The following TMC7 variants were observed in gnomAD, a reference collection of about 807,000 sequenced individuals.
The protein encoded by TMC7 is transmembrane channel-like protein 7.
TMC7 carries 54 observed loss-of-function variants against 82.9 expected under a neutral mutation model. The observed-to-expected ratio is 0.65, with a 90% CI of 0.52 to 0.82. The LOEUF (loss-of-function observed/expected upper bound fraction) is 0.82, where lower values mean the gene tolerates loss of function less well. Ranked by LOEUF, TMC7 falls within the 40% of genes least tolerant of loss-of-function variation. The pLI, the probability that TMC7 is intolerant of heterozygous loss-of-function variation, is 0.00. For synonymous variants in TMC7, 350 were observed against 337.9 expected, an observed-to-expected ratio of 1.04 and a Z score of -0.39; for missense variants, 820 against 901.2, an observed-to-expected ratio of 0.91 and a Z score of 1.15.
At chr16:19,045,587 CTTTCT>C in intron 11 of TMC7, 149 bp downstream of exon 11, 4 of 397,200 alleles carry the variant, frequency 1.0e-5, no homozygotes, top group Non-Finnish European at 1.3e-5. Flanking sequence ...CAACTGGTAA[CTTTCT>C]TTTTTTTTTT....
chr16:18,988,450 T>C (rs2038892632), intron 1 of TMC7, among the ~76,000 whole-genome samples: 1 of 151,970 alleles, frequency 6.6e-6, no homozygotes, highest in Non-Finnish European at 1.5e-5. Flanking sequence ...CAACCACGTC[T>C]GGCTAATTTT....
chr16:19,039,438 A>G (rs1215094512), intron 8 of TMC7, among the ~76,000 whole-genome samples: 2 of 152,092 alleles, frequency 1.3e-5, no homozygotes, highest in East Asian at 3.9e-4. Flanking sequence ...CCATGGCCAC[A>G]TTCTAGCCAA....
chr16:19,009,266 G>A lies in TMC7; in HGVS notation c.162G>A (p.Thr54=), dbSNP rs149613145. The change falls in exon 2 of 16, where the codon ACG becomes ACA. Residue 54 remains threonine, a synonymous_variant. Coordinates refer to ENST00000304381, the MANE Select transcript of TMC7 (RefSeq NM_024847.4). ...ACCGGTCCATTGCACGTAGGAGAAC[G>A]ACTGTCCATTCCCGGGACAAGCAAA... is the stretch of plus-strand genomic sequence containing the variant. ...PSYRSIARRR[T]TVHSRDKQSG... 3.1e-6 allele frequency: 5 copies of A among 1,614,042 alleles called. No homozygotes were observed. The Admixed American group carries it at 5.0e-5, about 16-fold the overall frequency.
At chr16:19,033,601 C>CTCG (rs1362279500) in intron 6 of TMC7, 1 of 152,272 alleles carries the variant, frequency 6.6e-6, no homozygotes, top group African/African-American at 2.4e-5. Flanking sequence ...GGAGGATCAC[C>CTCG]TGAACTTGGT....
intron 1 of TMC7, among the ~76,000 whole-genome samples, chr16:18,997,836 TCTC>T (rs1053856049): frequency 2.0e-5 from 3 of 150,762 alleles, no homozygotes; most frequent in East Asian, 3.9e-4. Context: ...TTCACACCAT[TCTC>T]CTGCCTCAGC....
rs955954021 is a variant in TMC7, at chr16:19,006,856, G to A, written c.68-2316G>A. 1.1e-4 allele frequency among the ~76,000 whole-genome samples: 16 copies of A among 152,178 alleles called. 1 individual carries two copies. The South Asian group carries it at 1.9e-3, about 18-fold the overall frequency. ...TTTTGAGACAAAGTCTTGCTCTGTC[G>A]CTTAGGCTGGAGTGTAGTGGTCCAA... On this transcript the variant is annotated intron_variant, in intron 1 of 15. Transcript: ENST00000304381.
At chr16:19,050,612 C>T (rs1215096890) in intron 12 of TMC7, among the ~76,000 whole-genome samples, 1 of 151,944 alleles carries the variant, frequency 6.6e-6, no homozygotes, top group Non-Finnish European at 1.5e-5. Flanking sequence ...CCTCAGCCTC[C>T]CAAGTAGCTG....
chr16:18,994,297 G>A (rs2039001562), intron 1 of TMC7, among the ~76,000 whole-genome samples: 1 of 152,088 alleles, frequency 6.6e-6, no homozygotes, highest in Admixed American at 6.6e-5. Flanking sequence ...AGCAGCAGCA[G>A]CAGCCGCCAC....
At position 19,051,803 on chromosome 16, in the gene TMC7, A is replaced by G; in HGVS notation, c.1858A>G (p.Ile620Val). Residue 620 changes from isoleucine to valine, a missense_variant, in exon 13 of 16, where the codon ATC (isoleucine) becomes GTC (valine). Ile to Val is a conservative substitution (Grantham distance 29). Around this residue, in one of 2 missense-constraint regions of TMC7, gnomAD observed 170 missense variants for 231.3 expected, o/e 0.74. Transcript: ENST00000304381. ...GTGTTTGGCAATAATACCTCTGACA[A>G]TCAGCATATCACGGTAAATGTGACT... The part of the protein sequence containing the change: ...GLCLAIIPLT[I>V]SISRIPSSKA... 6.2e-7 allele frequency: 1 copy of G among 1,613,986 alleles called. No individual in the cohort carries two copies. The highest frequency in any genetic ancestry group is 8.5e-7 in the Non-Finnish European group (1 of 1,180,018).
At chr16:18,999,045 T>C (rs892826258) in intron 1 of TMC7, among the ~76,000 whole-genome samples, 3 of 152,196 alleles carry the variant, frequency 2.0e-5, no homozygotes, top group Non-Finnish European at 4.4e-5. Flanking sequence ...CTATGCTGTA[T>C]TTATTTATTT....
At chr16:19,056,025 G>A (rs775498425) in intron 13 of TMC7, among the ~76,000 whole-genome samples, 16 of 151,568 alleles carry the variant, frequency 1.1e-4, no homozygotes, top group African/African-American at 2.2e-4. Context: ...TGAATTTCCT[G>A]TAAACTGGAA....
chr16:19,052,298 C>T (rs1961575857), intron 13 of TMC7, among the ~76,000 whole-genome samples: 2 of 152,144 alleles, frequency 1.3e-5, no homozygotes, highest in South Asian at 2.1e-4. Flanking sequence ...CGATCTTCTT[C>T]CCTCAGCCTC....
chr16:19,007,255 G>C (rs956274594), intron 1 of TMC7, among the ~76,000 whole-genome samples: 1 of 152,114 alleles, frequency 6.6e-6, no homozygotes, highest in Non-Finnish European at 1.5e-5. Context: ...TTCCTACCAG[G>C]TAACCCTGGC....
At chr16:19,029,642 T>G (rs1005512162) in intron 5 of TMC7, among the ~76,000 whole-genome samples, 6 of 151,466 alleles carry the variant, frequency 4.0e-5, no homozygotes, top group African/African-American at 1.2e-4. Context: ...TCCAAGGTGC[T>G]GGGATTACAG....
intron 1 of TMC7, among the ~76,000 whole-genome samples, chr16:19,008,650 A>G (rs1023307060): frequency 6.6e-6 from 1 of 152,218 alleles, no homozygotes; most frequent in Non-Finnish European, 1.5e-5. Context: ...AGGCCAGCCC[A>G]GATCCCATGA....
chr16:19,051,588 G>A, intron 12 of TMC7, 98 bp from the exon 13 acceptor site: 2 of 1,408,634 alleles, frequency 1.4e-6, no homozygotes, highest in Non-Finnish European at 2.0e-6. Context: ...AAAGGTTAGA[G>A]TGATTAACAT....
intron 9 of TMC7, among the ~76,000 whole-genome samples, chr16:19,043,582 A>ATTTATTTT: frequency 6.6e-6 from 1 of 151,980 alleles, no homozygotes; most frequent in South Asian, 2.1e-4. Context: ...TTATTTATTT[A>ATTTATTTT]TTTCTGAGAT....
chr16:19,020,507 T>C (rs929698491), intron 3 of TMC7, among the ~76,000 whole-genome samples: 3 of 152,184 alleles, frequency 2.0e-5, no homozygotes, highest in Admixed American at 2.0e-4. Flanking sequence ...ATGAATTGTA[T>C]TTCCATGTAC....
intron 11 of TMC7, among the ~76,000 whole-genome samples, chr16:19,045,875 C>T (rs1021864137): frequency 6.6e-6 from 1 of 151,942 alleles, no homozygotes; most frequent in Admixed American, 6.6e-5. Flanking sequence ...GGATTATAGG[C>T]ATGAGCCACC....
Sources: gnomAD v4.1 joint callset for allele counts (sites outside exome capture counted in the v4.1 genomes callset) on GRCh38, gnomAD v4.1.1 for gene constraint, gnomAD v4.1.1 regional missense constraint, MANE v1.5 for transcripts, NCBI Gene and HGNC (gene_info 2026-07-23, HGNC 2026-07-21) for gene names.